Variants in FRAS1 observed in about 807,000 individuals in gnomAD.
FRAS1 encodes the protein Fraser extracellular matrix complex subunit 1, also known as extracellular matrix organizing protein FRAS1.
FRAS1 carries 290 observed loss-of-function variants against 435.2 expected under a neutral mutation model. That is an observed-to-expected ratio of 0.67 (90% CI 0.61 to 0.73). The LOEUF (loss-of-function observed/expected upper bound fraction) is 0.73, where lower values mean the gene tolerates loss of function less well. FRAS1 is among the 30% of genes least tolerant of loss of function. The pLI, the probability that FRAS1 is intolerant of heterozygous loss-of-function variation, is 0.00. For missense variants in FRAS1, 4,860 were observed against 5,001.5 expected (o/e 0.97, Z 0.85); for synonymous variants, 1,800 against 1,851.0 (o/e 0.97, Z 0.71).
At chr4:78,337,425 T>A (rs566592384) in intron 19 of FRAS1, among the ~76,000 whole-genome samples, 1 of 152,304 alleles carries the variant, frequency 6.6e-6, no homozygotes, top group South Asian at 2.1e-4. Context: ...CTCTCTGGAA[T>A]GTGTGGCCGA....
intron 2 of FRAS1, among the ~76,000 whole-genome samples, chr4:78,200,830 A>C (rs2110075309): frequency 7.0e-6 from 1 of 142,762 alleles, no homozygotes; most frequent in East Asian, 1.9e-4. Context: ...TTATGGAGAA[A>C]GTGATGAGAA....
At chr4:78,453,237 A>G (rs1211463969) in intron 47 of FRAS1, among the ~76,000 whole-genome samples, 1 of 152,194 alleles carries the variant, frequency 6.6e-6, no homozygotes, top group African/African-American at 2.4e-5. Context: ...GTCTAACAGG[A>G]TGAACTGAAG....
chr4:78,208,392 C>T (rs1013360367), intron 2 of FRAS1, among the ~76,000 whole-genome samples: 3 of 152,144 alleles, frequency 2.0e-5, no homozygotes, highest in African/African-American at 7.2e-5. Context: ...GGTGCTTTAA[C>T]ACCCCCGCAA....
chr4:78,252,938 C>T (rs563183354), intron 5 of FRAS1, among the ~76,000 whole-genome samples: 4 of 152,276 alleles, frequency 2.6e-5, no homozygotes, highest in African/African-American at 4.8e-5. Flanking sequence ...TCTTGATAAA[C>T]ATCTTAACGG....
chr4:78,290,778 G>T (rs1339535878), intron 14 of FRAS1, among the ~76,000 whole-genome samples: 1 of 138,802 alleles, frequency 7.2e-6, no homozygotes, highest in Non-Finnish European at 1.5e-5. Context: ...GTTTGAATTG[G>T]TTCATGGTTT....
At chr4:78,179,430 TGAAA>T (rs1721909305) in intron 2 of FRAS1, among the ~76,000 whole-genome samples, 1 of 152,154 alleles carries the variant, frequency 6.6e-6, no homozygotes, top group Non-Finnish European at 1.5e-5. Context: ...AGGCCTTGGA[TGAAA>T]GAAAGTGGAA....
At chr4:78,409,425 A>C (rs1034130417) in intron 31 of FRAS1, among the ~76,000 whole-genome samples, 2 of 152,154 alleles carry the variant, frequency 1.3e-5, no homozygotes, top group Non-Finnish European at 2.9e-5. Flanking sequence ...TTGAGCAAGA[A>C]AGCATTAAAA....
chr4:78,221,424 A>G (rs1398050251), intron 2 of FRAS1, among the ~76,000 whole-genome samples: 2 of 152,186 alleles, frequency 1.3e-5, no homozygotes, highest in African/African-American at 4.8e-5. Context: ...TGGCATATGT[A>G]TTAGAAACTT....
chr4:78,472,260 G>T lies in FRAS1; in HGVS notation c.7452G>T (p.Thr2484=). The T allele has an allele frequency of 6.2e-7, 1 of 1,613,732 alleles. No homozygotes were observed. The highest frequency in any genetic ancestry group is 2.2e-5 in the East Asian group (1 of 44,846). The change falls in exon 52 of 74, where the codon ACG becomes ACT. Residue 2484 remains threonine, a synonymous_variant. Coordinates refer to ENST00000512123, the MANE Select transcript of FRAS1 (RefSeq NM_025074.7). Reference sequence around the variant, plus strand: ...ACGCGCAGCTTGTCTATGAGATAACGACGGGCCCTAAGCATGGCTTTGTGG... The same window carrying T: ...ACGCGCAGCTTGTCTATGAGATAACTACGGGCCCTAAGCATGGCTTTGTGG... The part of the protein sequence containing the change: ...TEDAQLVYEI[T]TGPKHGFVEN...
chr4:78,359,063 A>G (rs190602141), intron 20 of FRAS1, among the ~76,000 whole-genome samples: 108 of 152,312 alleles, frequency 7.1e-4, no homozygotes, highest in African/African-American at 2.3e-3. Context: ...GCTTATTTAT[A>G]CTTTGTAAAA....
chr4:78,488,337 G>T (rs1055161550), intron 58 of FRAS1, among the ~76,000 whole-genome samples: 2 of 152,162 alleles, frequency 1.3e-5, no homozygotes, highest in Admixed American at 1.3e-4. Flanking sequence ...ATAAGATCTG[G>T]CAACAGAAGA....
At chr4:78,140,797 T>C (rs1396309491) in intron 2 of FRAS1, among the ~76,000 whole-genome samples, 1 of 151,636 alleles carries the variant, frequency 6.6e-6, no homozygotes, top group East Asian at 1.9e-4. Context: ...CTCATGTATA[T>C]ATATGATGGA....
intron 29 of FRAS1, among the ~76,000 whole-genome samples, chr4:78,395,264 C>T (rs1732610532): frequency 6.6e-6 from 1 of 152,032 alleles, no homozygotes; most frequent in African/African-American, 2.4e-5. Flanking sequence ...GTTAAGACAT[C>T]TTTTGTGGCT....
At chr4:78,312,875 GAGAGAGAA>G (rs1477612174) in intron 15 of FRAS1, among the ~76,000 whole-genome samples, 1 of 147,408 alleles carries the variant, frequency 6.8e-6, no homozygotes, top group African/African-American at 2.5e-5. Flanking sequence ...GAGAGAGAGA[GAGAGAGAA>G]AGAAAGAAAG....
intron 7 of FRAS1, among the ~76,000 whole-genome samples, chr4:78,265,825 G>A (rs1412389160): frequency 6.6e-6 from 1 of 152,170 alleles, no homozygotes; most frequent in African/African-American, 2.4e-5. Flanking sequence ...AGAAATTGGG[G>A]TCATGACTCT....
chr4:78,102,262 A>G (rs185005266), intron 2 of FRAS1, among the ~76,000 whole-genome samples: 3 of 152,232 alleles, frequency 2.0e-5, no homozygotes, highest in African/African-American at 7.2e-5. Context: ...TACAGAAGAA[A>G]GAGCGAACAG....
chr4:78,169,990 A>C (rs1260597101), intron 2 of FRAS1, among the ~76,000 whole-genome samples: 1 of 152,118 alleles, frequency 6.6e-6, no homozygotes, highest in Non-Finnish European at 1.5e-5. Flanking sequence ...TTATTTTGAG[A>C]ATTTGAGCTA....
chr4:78,148,830 A>G (rs1720520051), intron 2 of FRAS1, among the ~76,000 whole-genome samples: 1 of 152,218 alleles, frequency 6.6e-6, no homozygotes, highest in East Asian at 1.9e-4. Context: ...GACTGTGAAT[A>G]TACAAGGTTT....
At position 78,067,593 on chromosome 4, in the gene FRAS1, C is replaced by T. The variant is rs565421086; in HGVS notation, c.108+1577C>T. Reference sequence around the variant, plus strand: ...TGGGCTGCACCCTCCCACACCAGCACGCTCCTCATTCTTCCAGGTGACTTC... The same window carrying T: ...TGGGCTGCACCCTCCCACACCAGCATGCTCCTCATTCTTCCAGGTGACTTC... On this transcript the variant is annotated intron_variant, in intron 2 of 73. Transcript: ENST00000512123. 4.6e-5 allele frequency among the ~76,000 whole-genome samples: 7 copies of T among 151,928 alleles called. No individual in the cohort carries two copies. In the East Asian group the frequency reaches 5.8e-4, roughly 13 times the overall value.
Sources: allele counts gnomAD v4.1 joint callset (sites outside exome capture counted in the v4.1 genomes callset), GRCh38; gene constraint gnomAD v4.1.1; transcripts MANE v1.5; gene names NCBI Gene and HGNC (gene_info 2026-07-23, HGNC 2026-07-21).